The following GALNT11 variants were observed in gnomAD, a reference collection of about 807,000 sequenced individuals.
The protein encoded by GALNT11 is UDP-GalNAc:polypeptide N-acetylgalactosaminyltransferase 11.
A neutral mutation model predicts 72.7 loss-of-function variants in GALNT11; 47 were observed. The ratio of observed to expected loss-of-function variants is 0.65; its 90% CI spans 0.51 to 0.82. The LOEUF is 0.82. GALNT11 is among the 40% of genes least tolerant of loss of function. The pLI is 0.00. For synonymous variants in GALNT11, 270 were observed against 286.6 expected (o/e 0.94, Z 0.58); for missense variants, 677 against 778.4 (o/e 0.87, Z 1.55).
intron 1 of GALNT11, among the ~76,000 whole-genome samples, chr7:152,092,434 C>A (rs1021000123): frequency 6.6e-6 from 1 of 152,116 alleles, no homozygotes; most frequent in South Asian, 2.1e-4. Context: ...CTTTCACTGG[C>A]GCCTGATTTT....
At chr7:152,113,127 A>G in intron 7 of GALNT11, 119 bp from the exon 8 acceptor site, 1 of 1,035,434 alleles carries the variant, frequency 9.7e-7, no homozygotes, top group African/African-American at 1.6e-5. Context: ...TAATAAGATA[A>G]ATATCTTGCC....
chr7:152,043,200 A>G (rs1258843711), intron 1 of GALNT11, among the ~76,000 whole-genome samples: 1 of 152,196 alleles, frequency 6.6e-6, no homozygotes, highest in African/African-American at 2.4e-5. Flanking sequence ...CCCCATTGTA[A>G]TCAGAATCAG....
chr7:152,060,516 T>C (rs202021070), intron 1 of GALNT11, among the ~76,000 whole-genome samples: 1 of 152,084 alleles, frequency 6.6e-6, no homozygotes, highest in Non-Finnish European at 1.5e-5. Flanking sequence ...AGGGTACATG[T>C]GCACAACGTG....
At chr7:152,061,146 A>G (rs1394530356) in intron 1 of GALNT11, among the ~76,000 whole-genome samples, 2 of 152,082 alleles carry the variant, frequency 1.3e-5, no homozygotes, top group Non-Finnish European at 2.9e-5. Context: ...TTGTTTCCTG[A>G]CTTTTTAATG....
chr7:152,027,185 C>T (rs957408012), intron 1 of GALNT11, among the ~76,000 whole-genome samples: 9 of 152,148 alleles, frequency 5.9e-5, no homozygotes, highest in African/African-American at 2.2e-4. Flanking sequence ...GGAGGCAGAG[C>T]TTGCAGTGAG....
chr7:152,114,729 G>T lies in GALNT11; in HGVS notation c.1233+1331G>T, dbSNP rs142859797. Among the ~76,000 whole-genome samples the T allele has an allele frequency of 3.2e-3, 486 of 152,162 alleles. 1 individual carries two copies. The highest frequency in any genetic ancestry group is 0.011 in the African/African-American group (450 of 41,508). On this transcript the variant is annotated intron_variant, in intron 8 of 11. Transcript: ENST00000430044. ...TTACAGGTGTGAGCCACCACGCCTG[G>T]TTGCTGCTGTATTTGTGTATAGCTA... is the stretch of plus-strand genomic sequence containing the variant.
rs555147271 is a variant in GALNT11, at chr7:152,084,555, C to G, written c.-38-9635C>G. ...TGTTGGCGTGTTGAGTATTTTGTTT[C>G]ATAATGAAACCGTCTAATGAAACTG... On this transcript the variant is annotated intron_variant, in intron 1 of 11. Coordinates refer to ENST00000430044, the MANE Select transcript of GALNT11 (RefSeq NM_022087.4). Among the ~76,000 whole-genome samples, 16 of 152,182 alleles carry G rather than the reference C, an allele frequency of 1.1e-4. No homozygotes were observed. The South Asian group carries it at 3.1e-3, about 30-fold the overall frequency.
chr7:152,056,951 A>G (rs1324322878), intron 1 of GALNT11, among the ~76,000 whole-genome samples: 1 of 138,798 alleles, frequency 7.2e-6, no homozygotes, highest in Non-Finnish European at 1.6e-5. Flanking sequence ...TGATCCTTCC[A>G]CCTCAGCCTC....
intron 1 of GALNT11, among the ~76,000 whole-genome samples, chr7:152,084,661 T>C (rs747694075): frequency 6.6e-6 from 1 of 152,184 alleles, no homozygotes. Flanking sequence ...TGCTCACACA[T>C]TATACTCTTC....
At chr7:152,047,857 CTA>C (rs1472745176) in intron 1 of GALNT11, among the ~76,000 whole-genome samples, 1 of 151,274 alleles carries the variant, frequency 6.6e-6, no homozygotes, top group East Asian at 1.9e-4. Context: ...ATTGTATTGT[CTA>C]TGACCTGAAA....
At chr7:152,102,725 T>C (rs1453513358) in intron 3 of GALNT11, among the ~76,000 whole-genome samples, 2 of 152,176 alleles carry the variant, frequency 1.3e-5, no homozygotes, top group Non-Finnish European at 2.9e-5. Context: ...TTCACGCCTG[T>C]AGTCCCAGCA....
chr7:152,107,891 A>AAT, intron 5 of GALNT11, 147 bp from the exon 6 acceptor site: 1 of 820,620 alleles, frequency 1.2e-6, no homozygotes, highest in African/African-American at 1.7e-5. Flanking sequence ...CCGGCAGTGA[A>AAT]GTGTAGTGGA....
rs1427807729 is a variant in GALNT11 at position 152,060,838 on chromosome 7, G to A, written c.-38-33352G>A. On this transcript the variant is annotated intron_variant, in intron 1 of 11. Transcript: ENST00000430044. Reference sequence around the variant, plus strand: ...CTATGGCTGTATAGTATTCCATGGTGTATATGCGCCACATTTTCTTAATCC... The same window carrying A: ...CTATGGCTGTATAGTATTCCATGGTATATATGCGCCACATTTTCTTAATCC... Among the ~76,000 whole-genome samples, 4 of 152,288 alleles carry A rather than the reference G, an allele frequency of 2.6e-5. No individual in the cohort carries two copies. In the East Asian group the frequency reaches 7.7e-4, roughly 29 times the overall value.
Position 152,108,090 on chromosome 7 carries a change from G to C in GALNT11, c.765G>C (p.Leu255=), listed in dbSNP as rs769903389. The change falls in exon 6 of 12, where the codon CTG becomes CTC. Residue 255 remains leucine (L), a synonymous_variant. Transcript: ENST00000430044. ...ACTGTGAAGTGAATGTGATGTGGCT[G>C]CAGCCCTTGCTGGCCGCCATCCGTG... ...DSHCEVNVMW[L]QPLLAAIRED... The C allele has an allele frequency of 6.2e-7, 1 of 1,613,968 alleles. No homozygotes were observed. The highest frequency in any genetic ancestry group is 8.5e-7 in the Non-Finnish European group (1 of 1,179,874).
chr7:152,056,257 C>A (rs887595164), intron 1 of GALNT11, among the ~76,000 whole-genome samples: 2 of 152,192 alleles, frequency 1.3e-5, no homozygotes, highest in East Asian at 3.8e-4. Flanking sequence ...CCAGATAATT[C>A]TTTGTTTTTG....
chr7:152,100,886 C>G lies in GALNT11; in HGVS notation c.384C>G (p.Gly128=), dbSNP rs2086823153. Residue 128 remains glycine, a synonymous_variant, in exon 3 of 12, where the codon GGC becomes GGG. Coordinates refer to ENST00000430044, the MANE Select transcript of GALNT11 (RefSeq NM_022087.4). ...ATATGCTTATCAGTGACCGCTTGGG[C>G]TACCACAGAGATGTGCCAGACACAA... ...AFNMLISDRL[G]YHRDVPDTRN... The G allele has an allele frequency of 6.2e-7, 1 of 1,614,064 alleles. No individual in the cohort carries two copies. The highest frequency in any genetic ancestry group is 8.5e-7 in the Non-Finnish European group (1 of 1,179,976).
At chr7:152,047,534 A>C (rs1296059888) in intron 1 of GALNT11, among the ~76,000 whole-genome samples, 4 of 151,960 alleles carry the variant, frequency 2.6e-5, no homozygotes, top group Admixed American at 1.3e-4. Context: ...CATCTCTACA[A>C]AAAAATACAA....
At chr7:152,086,854 T>A (rs1442219171) in intron 1 of GALNT11, among the ~76,000 whole-genome samples, 1 of 152,244 alleles carries the variant, frequency 6.6e-6, no homozygotes, top group Non-Finnish European at 1.5e-5. Flanking sequence ...AGTTGTTTCT[T>A]GTACCTTTTC....
At chr7:152,043,545 G>A (rs1400257746) in intron 1 of GALNT11, among the ~76,000 whole-genome samples, 1 of 152,158 alleles carries the variant, frequency 6.6e-6, no homozygotes, top group African/African-American at 2.4e-5. Flanking sequence ...TATCTGGGGG[G>A]TGTACTCTAA....
Sources: gnomAD v4.1 joint callset for allele counts (sites outside exome capture counted in the v4.1 genomes callset) on GRCh38, gnomAD v4.1.1 for gene constraint, MANE v1.5 for transcripts, NCBI Gene and HGNC (gene_info 2026-07-23, HGNC 2026-07-21) for gene names.